Variants in MAST4 observed in about 807,000 individuals in gnomAD.
MAST4 encodes the protein microtubule-associated serine/threonine-protein kinase 4.
In MAST4, 89 loss-of-function variants were observed where a neutral mutation model predicts 162.7. That is an observed-to-expected ratio of 0.55 (90% confidence interval 0.46 to 0.65). MAST4 has a LOEUF of 0.65. MAST4 is among the 30% of genes least tolerant of loss of function. MAST4 has a pLI of 0.00. For missense variants in MAST4, 3,153 were observed against 3,374.0 expected (o/e 0.93, Z 1.62); for synonymous variants, 1,479 against 1,361.1 (o/e 1.09, Z -1.91).
In MAST4 at chr5:66,684,355, C is replaced by CTG. The variant is rs1748506672; in HGVS notation, c.364-75353_364-75352insGT. 2.6e-4 allele frequency among the ~76,000 whole-genome samples: 12 copies of CTG among 45,414 alleles called. No individual in the cohort carries two copies. The South Asian group carries it at 0.012, about 44-fold the overall frequency. 29.8% of individuals were successfully genotyped at this position (45,414 alleles called of 152,430 possible). A position where few individuals can be genotyped will look rare whatever the true frequency, so the allele number is the denominator to read the frequency against. On this transcript the variant is annotated intron_variant, in intron 1 of 28. Coordinates refer to ENST00000403625, the MANE Select transcript of MAST4 (RefSeq NM_001164664.2). ...AAATGTAGTGCTTCTTTTCTTCCAG[C>CTG]TATTTTTTTTTCTCTTTTCTTTTTT...
chr5:66,653,337 C>A (rs1465398229), intron 1 of MAST4, among the ~76,000 whole-genome samples: 1 of 152,310 alleles, frequency 6.6e-6, no homozygotes, highest in South Asian at 2.1e-4. Flanking sequence ...TTACTTCTCT[C>A]TTTCCCTTGT....
intron 3 of MAST4, among the ~76,000 whole-genome samples, chr5:66,872,257 C>T (rs1224498963): frequency 2.0e-5 from 3 of 152,142 alleles, no homozygotes; most frequent in Non-Finnish European, 4.4e-5. Flanking sequence ...GCAACCTCCA[C>T]CTCCTGGGTT....
intron 5 of MAST4, among the ~76,000 whole-genome samples, chr5:67,081,229 G>T (rs961240537): frequency 2.0e-5 from 3 of 150,584 alleles, no homozygotes; most frequent in Non-Finnish European, 4.4e-5. Context: ...CATATAATTG[G>T]GTAAGAGTAG....
chr5:66,994,819 A>AT (rs112611443), intron 4 of MAST4, among the ~76,000 whole-genome samples: 2,819 of 152,270 alleles, frequency 0.019, 91 homozygotes, highest in African/African-American at 0.065. Flanking sequence ...GAAGAGCATT[A>AT]TTTTTATTAT....
intron 1 of MAST4, among the ~76,000 whole-genome samples, chr5:66,617,886 G>A (rs191965204): frequency 6.6e-6 from 1 of 152,316 alleles, no homozygotes; most frequent in Admixed American, 6.5e-5. Flanking sequence ...GCAATAAGCA[G>A]AATATTTAGC....
intron 1 of MAST4, among the ~76,000 whole-genome samples, chr5:66,616,364 A>C (rs1743684862): frequency 6.6e-6 from 1 of 152,158 alleles, no homozygotes; most frequent in Non-Finnish European, 1.5e-5. Context: ...CTTAAATTTT[A>C]AGTATGAGAT....
chr5:67,034,654 G>T (rs1299796523), intron 4 of MAST4, among the ~76,000 whole-genome samples: 1 of 152,154 alleles, frequency 6.6e-6, no homozygotes, highest in Admixed American at 6.6e-5. Context: ...CTTTGACTTT[G>T]TAAGTTTTCT....
intron 2 of MAST4, among the ~76,000 whole-genome samples, chr5:66,777,248 A>C (rs1754646534): frequency 6.6e-6 from 1 of 152,204 alleles, no homozygotes; most frequent in South Asian, 2.1e-4. Flanking sequence ...TGCTGGAAAG[A>C]ATTTGATCTA....
intron 1 of MAST4, among the ~76,000 whole-genome samples, chr5:66,687,127 A>G (rs530933733): frequency 2.0e-5 from 3 of 152,234 alleles, no homozygotes; most frequent in East Asian, 3.9e-4. Context: ...GAGGTTTGCT[A>G]CATGGATATA....
intron 3 of MAST4, among the ~76,000 whole-genome samples, chr5:66,823,776 T>C (rs1460042951): frequency 6.6e-6 from 1 of 152,198 alleles, no homozygotes; most frequent in Non-Finnish European, 1.5e-5. Flanking sequence ...ATTACAGGTG[T>C]GAACCATGGT....
chr5:67,015,324 C>A (rs1314540492), intron 4 of MAST4, among the ~76,000 whole-genome samples: 1 of 152,172 alleles, frequency 6.6e-6, no homozygotes, highest in Non-Finnish European at 1.5e-5. Flanking sequence ...CTTTTCAAAC[C>A]TTCCATTCTT....
intron 14 of MAST4, among the ~76,000 whole-genome samples, chr5:67,128,435 A>G (rs1768524488): frequency 6.6e-6 from 1 of 150,616 alleles, no homozygotes; most frequent in Non-Finnish European, 1.5e-5. Flanking sequence ...CTGTACAGTG[A>G]AGGAAGAACT....
intron 3 of MAST4, among the ~76,000 whole-genome samples, chr5:66,858,068 T>G (rs1002820105): frequency 6.6e-6 from 1 of 152,186 alleles, no homozygotes; most frequent in Non-Finnish European, 1.5e-5. Context: ...CTGATTCTTC[T>G]ACTTCAGCCT....
intron 3 of MAST4, among the ~76,000 whole-genome samples, chr5:66,822,559 A>C (rs1312631207): frequency 6.6e-6 from 1 of 152,168 alleles, no homozygotes; most frequent in Admixed American, 6.5e-5. Flanking sequence ...AGAGACATTT[A>C]AGAGGAAAGT....
chr5:66,799,868 A>C (rs1431268756), intron 3 of MAST4, among the ~76,000 whole-genome samples: 1 of 152,214 alleles, frequency 6.6e-6, no homozygotes, highest in African/African-American at 2.4e-5. Context: ...AAGGAACATA[A>C]CCTTCCTGTG....
intron 4 of MAST4, among the ~76,000 whole-genome samples, chr5:66,955,341 G>A (rs567580634): frequency 6.6e-6 from 1 of 152,224 alleles, no homozygotes; most frequent in African/African-American, 2.4e-5. Flanking sequence ...TAGGCAGTGG[G>A]AACTGTAAGT....
chr5:66,693,444 A>G (rs1324386587), intron 1 of MAST4, among the ~76,000 whole-genome samples: 1 of 152,234 alleles, frequency 6.6e-6, no homozygotes, highest in African/African-American at 2.4e-5. Context: ...TGATTTGGAA[A>G]TGAAATTGTT....
intron 4 of MAST4, among the ~76,000 whole-genome samples, chr5:66,937,868 T>G (rs1467964733): frequency 6.6e-6 from 1 of 152,120 alleles, no homozygotes; most frequent in East Asian, 1.9e-4. Context: ...CTAAAGTGTT[T>G]TCTTTTCCTT....
chr5:66,778,939 A>G (rs1335687457), intron 2 of MAST4, among the ~76,000 whole-genome samples: 1 of 152,130 alleles, frequency 6.6e-6, no homozygotes, highest in Non-Finnish European at 1.5e-5. Flanking sequence ...GACTCCTTAA[A>G]ACATCTGTCA....
Sources: allele counts gnomAD v4.1 joint callset (sites outside exome capture counted in the v4.1 genomes callset), GRCh38; gene constraint gnomAD v4.1.1; transcripts MANE v1.5; gene names NCBI Gene and HGNC (gene_info 2026-07-23, HGNC 2026-07-21).